The following TACC3 variants were observed in gnomAD, a reference collection of about 807,000 sequenced individuals.
TACC3 encodes the protein transforming acidic coiled-coil containing protein 3, also known as transforming acidic coiled-coil-containing protein 3.
Under a neutral mutation model 86.0 loss-of-function variants are expected in TACC3, and 52 were observed. The observed-to-expected ratio is 0.60, with a 90% CI of 0.48 to 0.76. The LOEUF (loss-of-function observed/expected upper bound fraction) is 0.76, where lower values mean the gene tolerates loss of function less well. TACC3 is among the 30% of genes least tolerant of loss of function. The probability of loss-of-function intolerance (pLI) is 0.00; values close to 1 mark genes in which losing one functional copy is unlikely to be tolerated. For missense variants in TACC3, 1,120 were observed against 1,070.4 expected (o/e 1.05, Z -0.65); for synonymous variants, 512 against 430.0 (o/e 1.19, Z -2.36).
At chr4:1,738,039 C>T (rs1718380316) in intron 10 of TACC3, 1 of 397,306 alleles carries the variant, frequency 2.5e-6, no homozygotes. Flanking sequence ...TTCCTCCCGC[C>T]CTCCCACGAG....
chr4:1,742,702 G>A (rs1718651258), intron 13 of TACC3, among the ~76,000 whole-genome samples: 1 of 152,020 alleles, frequency 6.6e-6, no homozygotes, highest in Non-Finnish European at 1.5e-5. Context: ...AGGAGGCTGA[G>A]GTAGGAGAAT....
chr4:1,723,331 T>C, intron 1 of TACC3, 90 bp from the exon 2 acceptor site: 3 of 1,367,898 alleles, frequency 2.2e-6, no homozygotes, highest in Non-Finnish European at 3.1e-6. Context: ...TGGGAAGTGG[T>C]CGTGCCCCTT....
At position 1,728,855 on chromosome 4, in the gene TACC3, C is replaced by T. The variant is rs1038016119; in HGVS notation, c.1385+68C>T. ...GCCCTGCAGTGTATGTGGTCCAGGACCCGAGGCCAGAAGTGTCATCAGATA... is the reference window on the plus strand; with the variant it reads ...GCCCTGCAGTGTATGTGGTCCAGGATCCGAGGCCAGAAGTGTCATCAGATA... On this transcript the variant is annotated intron_variant, in intron 4 of 15. Transcript: ENST00000313288. 4.8e-6 allele frequency: 7 copies of T among 1,457,690 alleles called. No homozygotes were observed. In the African/African-American group the frequency reaches 7.1e-5, roughly 15 times the overall value. The allele number at this position is 1,457,690 out of a possible 1,614,324, so 90.3% of individuals were successfully genotyped here. A position where few individuals can be genotyped will look rare whatever the true frequency, so the allele number is the denominator to read the frequency against.
At chr4:1,723,329 G>A in intron 1 of TACC3, 92 bp from the exon 2 acceptor site, 1 of 1,334,248 alleles carries the variant, frequency 7.5e-7, no homozygotes. Context: ...TGTGGGAAGT[G>A]GTCGTGCCCC....
At position 1,730,979 on chromosome 4, in the gene TACC3, T is replaced by TGGGTAC. The variant is rs747742585; in HGVS notation, c.1461+18_1461+23dup. 6 of 1,613,198 alleles carry TGGGTAC rather than the reference T, an allele frequency of 3.7e-6. No individual in the cohort carries two copies. Among genetic ancestry groups the TGGGTAC allele is most frequent in the Non-Finnish European group, 4.2e-6 (5 of 1,179,878 alleles). ...GAGAGCAAGGTAAGGGGTGCTTGTG[T>TGGGTAC]GGGTACCTGTGCTCCTGGCCTGGTC... On this transcript the variant is annotated intron_variant, in intron 5 of 15. Transcript: ENST00000313288.
chr4:1,734,175 T>G (rs1028488127), intron 6 of TACC3, among the ~76,000 whole-genome samples: 1 of 152,152 alleles, frequency 6.6e-6, no homozygotes, highest in African/African-American at 2.4e-5. Context: ...AGACCCTGTC[T>G]TAAAGTACCA....
intron 13 of TACC3, among the ~76,000 whole-genome samples, chr4:1,744,147 C>T (rs536732827): frequency 6.6e-6 from 1 of 152,302 alleles, no homozygotes; most frequent in East Asian, 1.9e-4. Context: ...CCTCCCCTGC[C>T]TGTCCCCAAA....
At chr4:1,732,743 C>T (rs970142338) in intron 6 of TACC3, among the ~76,000 whole-genome samples, 2 of 152,206 alleles carry the variant, frequency 1.3e-5, no homozygotes, top group African/African-American at 4.8e-5. Context: ...CCGGCGTCTC[C>T]CTCGGGGAGG....
intron 1 of TACC3, chr4:1,723,054 T>G: frequency 5.3e-6 from 1 of 189,328 alleles, no homozygotes; most frequent in African/African-American, 2.4e-5. Flanking sequence ...CCGGGTTTCT[T>G]ATTGGCCCGG....
At position 1,727,832 on chromosome 4, in the gene TACC3, T is replaced by TCTG. The variant is rs1717767309; in HGVS notation, c.431_433dup (p.Ser144_Gly145insAla). 1.2e-6 allele frequency: 2 copies of TCTG among 1,612,846 alleles called. No individual in the cohort carries two copies. The highest frequency in any genetic ancestry group is 1.7e-6 in the Non-Finnish European group (2 of 1,179,986). ...CTTTGGGAGTGGCAGCTCCAGCGAG[T>TCTG]CTGGCCCAGGTGCCCTGGCTGACCT... is the stretch of plus-strand genomic sequence containing the variant. On this transcript the variant is annotated inframe_insertion, in exon 4 of 16. Transcript: ENST00000313288.
rs1459318943 is a variant in TACC3 at position 1,728,567 on chromosome 4, G to A, written c.1165G>A (p.Gly389Arg). The change falls in exon 4 of 16, where the codon GGA becomes AGA. Residue 389 changes from glycine to arginine, a missense_variant. By Grantham distance (125) the Gly-to-Arg change is moderately radical (BLOSUM62 -2). Transcript: ENST00000313288. The part of the protein sequence containing the change: ...QEVEEDDGRS[G>R]AGEDPPMPAS... ...GGTGGAGGAGGACGACGGTAGGAGC[G>A]GAGCAGGAGAGGACCCCCCCATGCC... is the stretch of plus-strand genomic sequence containing the variant. 1.6e-5 allele frequency: 26 copies of A among 1,613,808 alleles called. No individual in the cohort carries two copies. The highest frequency in any genetic ancestry group is 1.1e-4 in the African/African-American group (8 of 74,910).
At chr4:1,740,644 C>G (rs1718546365) in intron 12 of TACC3, 182 bp from the exon 13 acceptor site, 4 of 588,732 alleles carry the variant, frequency 6.8e-6, no homozygotes, top group Non-Finnish European at 1.2e-5. Context: ...CAGCTGTTTC[C>G]TGGGCTTTGC....
chr4:1,729,369 G>A (rs1047375248), intron 4 of TACC3, among the ~76,000 whole-genome samples: 1 of 152,118 alleles, frequency 6.6e-6, no homozygotes, highest in Non-Finnish European at 1.5e-5. Context: ...AAAGACAGCT[G>A]GGCCCGGGGG....
At chr4:1,733,634 G>A (rs1718110237) in intron 6 of TACC3, among the ~76,000 whole-genome samples, 1 of 152,116 alleles carries the variant, frequency 6.6e-6, no homozygotes. Flanking sequence ...CTCCAGTCTG[G>A]GCGACAGCGA....
rs758628018 is a variant in TACC3 at position 1,728,695 on chromosome 4, C to T, written c.1293C>T (p.Pro431=). ...AGTCTGGTTGCAGTGAGGCCCAGCC[C>T]CCAGAAAGCCCTGAGACCAGGCTGG... ...DTKSGCSEAQ[P]PESPETRLGQ... The change falls in exon 4 of 16, where the codon CCC becomes CCT. Residue 431 remains proline (P), a synonymous_variant. Transcript: ENST00000313288. 1.2e-6 allele frequency: 2 copies of T among 1,613,668 alleles called. No homozygotes were observed. The highest frequency in any genetic ancestry group is 1.1e-5 in the South Asian group (1 of 91,078).
chr4:1,737,393 G>A, intron 9 of TACC3, 65 bp downstream of exon 9: 2 of 1,498,896 alleles, frequency 1.3e-6, no homozygotes, highest in Non-Finnish European at 1.9e-6. Flanking sequence ...TGTTTTAAGG[G>A]CCTATATTTT....
intron 4 of TACC3, among the ~76,000 whole-genome samples, chr4:1,729,152 G>A (rs1717876517): frequency 6.6e-6 from 1 of 152,170 alleles, no homozygotes; most frequent in South Asian, 2.1e-4. Flanking sequence ...GCCTGTTACT[G>A]CCTGGGTGGC....
intron 1 of TACC3, chr4:1,723,128 G>A: frequency 2.4e-6 from 1 of 422,118 alleles, no homozygotes; most frequent in Non-Finnish European, 4.3e-6. Context: ...TGCAGGCTTG[G>A]GTTTTCTTTC....
rs749122533 is a variant in TACC3 at position 1,723,512 on chromosome 4, G to C, written c.91G>C (p.Gly31Arg). The C allele has an allele frequency of 6.2e-7, 1 of 1,613,730 alleles. No individual in the cohort carries two copies. Among genetic ancestry groups the C allele is most frequent in the Non-Finnish European group, 8.5e-7 (1 of 1,179,992 alleles). ...CCTGTTTTCGCCACCAGAAGTTACCGGAAGATCGTCTGTTCTTCGTGTGTC... is the reference window on the plus strand; with the variant it reads ...CCTGTTTTCGCCACCAGAAGTTACCCGAAGATCGTCTGTTCTTCGTGTGTC... ...DFLFSPPEVTGRSSVLRVSQK... is the reference protein window; with the variant it reads ...DFLFSPPEVTRRSSVLRVSQK... The change falls in exon 2 of 16, where the codon GGA (glycine) becomes CGA (arginine). Residue 31 changes from glycine (G) to arginine (R), a missense_variant. Transcript: ENST00000313288.
Sources: gnomAD v4.1 joint callset for allele counts (sites outside exome capture counted in the v4.1 genomes callset) on GRCh38, gnomAD v4.1.1 for gene constraint, MANE v1.5 for transcripts, NCBI Gene and HGNC (gene_info 2026-07-23, HGNC 2026-07-21) for gene names.